Variants in GATAD2A observed in about 807,000 individuals in gnomAD.
The protein encoded by GATAD2A is GATA zinc finger domain containing 2A.
Under a neutral mutation model 68.5 loss-of-function variants are expected in GATAD2A, and 12 were observed. The observed-to-expected ratio is 0.18, with a 90% confidence interval of 0.11 to 0.28. The LOEUF (loss-of-function observed/expected upper bound fraction) is 0.28. GATAD2A is among the 10% of genes least tolerant of loss of function. GATAD2A has a pLI of 1.00. For missense variants in GATAD2A, 755 were observed against 868.5 expected (o/e 0.87, Z 1.64); for synonymous variants, 410 against 375.3 (o/e 1.09, Z -1.07).
chr19:19,433,775 C>G (rs1248184487), intron 1 of GATAD2A, among the ~76,000 whole-genome samples: 3 of 152,188 alleles, frequency 2.0e-5, no homozygotes, highest in Non-Finnish European at 4.4e-5. Context: ...AGTACCTCCC[C>G]ATACCCCCCC....
intron 1 of GATAD2A, among the ~76,000 whole-genome samples, chr19:19,452,058 GA>G (rs1321145495): frequency 2.6e-5 from 4 of 152,206 alleles, no homozygotes; most frequent in Admixed American, 2.6e-4. Context: ...AGGAGGGGAT[GA>G]AAACTGTGCA....
intron 1 of GATAD2A, among the ~76,000 whole-genome samples, chr19:19,429,990 GC>G (rs1221050858): frequency 2.0e-5 from 3 of 152,082 alleles, no homozygotes; most frequent in African/African-American, 4.8e-5. Flanking sequence ...GCAGCTTGCT[GC>G]TGTGGCTAGG....
At chr19:19,453,458 T>A (rs1387278365) in intron 1 of GATAD2A, among the ~76,000 whole-genome samples, 1 of 152,186 alleles carries the variant, frequency 6.6e-6, no homozygotes, top group African/African-American at 2.4e-5. Flanking sequence ...GAGTTAACCT[T>A]GAGTCCTTGC....
intron 2 of GATAD2A, among the ~76,000 whole-genome samples, chr19:19,476,621 C>A (rs1479731451): frequency 6.6e-6 from 1 of 152,208 alleles, no homozygotes; most frequent in African/African-American, 2.4e-5. Context: ...CTCCTTAGGC[C>A]GAGAGCCAGT....
chr19:19,476,164 C>G (rs1291146787), intron 2 of GATAD2A, among the ~76,000 whole-genome samples: 2 of 152,238 alleles, frequency 1.3e-5, no homozygotes, highest in Non-Finnish European at 2.9e-5. Context: ...GTGGCTCTGA[C>G]AGAAAACCAG....
At position 19,492,331 on chromosome 19, in the gene GATAD2A, C is replaced by G. The variant is rs754091932; in HGVS notation, c.295C>G (p.Pro99Ala). 1 of 1,607,588 alleles carries G rather than the reference C, an allele frequency of 6.2e-7. No individual in the cohort carries two copies. Among genetic ancestry groups the G allele is most frequent in the South Asian group, 1.1e-5 (1 of 89,818 alleles). ...TGACATGAAGTCCGAGAGGAGACCC[C>G]CCTCACCTGACGTGATTGTGCTCTC... ...HSDMKSERRP[P>A]SPDVIVLSDN... Residue 99 changes from proline (P) to alanine (A), a missense_variant, in exon 3 of 12, where the codon CCC becomes GCC. By Grantham distance (27) the Pro-to-Ala change is conservative (BLOSUM62 -1). Transcript: ENST00000683918.
chr19:19,474,644 G>A (rs1407447627), intron 2 of GATAD2A, among the ~76,000 whole-genome samples: 2 of 152,224 alleles, frequency 1.3e-5, no homozygotes, highest in East Asian at 3.8e-4. Context: ...ACCCGCTGCT[G>A]TGCAAGGTCC....
chr19:19,437,886 C>T (rs1020160246), intron 1 of GATAD2A, among the ~76,000 whole-genome samples: 16 of 152,154 alleles, frequency 1.1e-4, no homozygotes, highest in Admixed American at 1.0e-3. Context: ...TTTTAACATT[C>T]GTGTACAAGC....
At chr19:19,500,080 G>T (rs561663097) in intron 8 of GATAD2A, among the ~76,000 whole-genome samples, 1 of 152,212 alleles carries the variant, frequency 6.6e-6, no homozygotes. Flanking sequence ...TGTCTCTGCC[G>T]TTCCCTCATC....
At chr19:19,419,086 C>T (rs1022485883) in intron 1 of GATAD2A, among the ~76,000 whole-genome samples, 9 of 152,104 alleles carry the variant, frequency 5.9e-5, no homozygotes, top group Non-Finnish European at 1.0e-4. Context: ...CCAGGGAACC[C>T]GTCCCCTCCC....
intron 2 of GATAD2A, chr19:19,472,538 A>C (rs1026789005): frequency 6.6e-6 from 1 of 150,512 alleles, no homozygotes; most frequent in South Asian, 2.2e-4. Flanking sequence ...TTCACCATGT[A>C]GGCCAGGCTG....
intron 1 of GATAD2A, among the ~76,000 whole-genome samples, chr19:19,442,130 G>T (rs887121124): frequency 6.6e-6 from 1 of 152,158 alleles, no homozygotes; most frequent in Non-Finnish European, 1.5e-5. Context: ...AAAGTGCTGG[G>T]ATTACAGGCG....
Position 19,406,014 on chromosome 19 carries a change from G to C in GATAD2A, c.-12G>C, listed in dbSNP as rs1243072455. On this transcript the variant is annotated 5_prime_UTR_variant, in exon 1 of 12. Transcript: ENST00000683918. ...CTGCCCTAGGGCCCGGCCGACCCGCGGCCCGGTAAGTTCTGGACCAAACTT... is the reference window on the plus strand; with the variant it reads ...CTGCCCTAGGGCCCGGCCGACCCGCCGCCCGGTAAGTTCTGGACCAAACTT... The C allele has an allele frequency of 6.6e-6, 1 of 151,406 alleles. No homozygotes were observed. Among genetic ancestry groups the C allele is most frequent in the Non-Finnish European group, 1.5e-5 (1 of 67,828 alleles). The allele number at this position is 151,406 out of a possible 1,614,324, so 9.4% of individuals were successfully genotyped here. A position where few individuals can be genotyped will look rare whatever the true frequency, so the allele number is the denominator to read the frequency against.
intron 1 of GATAD2A, among the ~76,000 whole-genome samples, chr19:19,392,911 G>A (rs2048953491): frequency 6.6e-6 from 1 of 152,006 alleles, no homozygotes; most frequent in Non-Finnish European, 1.5e-5. Context: ...TGGCCAGGCT[G>A]GTCTTGAACT....
chr19:19,412,384 T>C (rs1439900303), intron 1 of GATAD2A, among the ~76,000 whole-genome samples: 1 of 151,914 alleles, frequency 6.6e-6, no homozygotes, highest in Non-Finnish European at 1.5e-5. Context: ...CTTGATTTCT[T>C]GACCTTGTGA....
chr19:19,419,626 T>C (rs2052095822), intron 1 of GATAD2A, among the ~76,000 whole-genome samples: 2 of 151,522 alleles, frequency 1.3e-5, no homozygotes, highest in Non-Finnish European at 2.9e-5. Flanking sequence ...AGGTGATTGT[T>C]GTGCCTCAGC....
upstream of GATAD2A, chr19:19,405,665 C>T (rs555056300): frequency 3.6e-4 from 54 of 152,000 alleles, no homozygotes; most frequent in African/African-American, 1.3e-3. Flanking sequence ...GGCCCCGCCC[C>T]TCGGTCGCCA....
intron 2 of GATAD2A, among the ~76,000 whole-genome samples, chr19:19,491,346 C>T (rs1414670592): frequency 6.6e-5 from 10 of 152,074 alleles, no homozygotes; most frequent in Admixed American, 5.9e-4. Context: ...TGCCGTGGGC[C>T]GACGGTGAAA....
chr19:19,465,677 G>A (rs2057810743), intron 2 of GATAD2A, 63 bp downstream of exon 2: 3 of 1,529,972 alleles, frequency 2.0e-6, no homozygotes, highest in Admixed American at 2.0e-5. Flanking sequence ...TGCCCAGGTT[G>A]GGGCTGGCCA....
Sources: allele counts gnomAD v4.1 joint callset (sites outside exome capture counted in the v4.1 genomes callset), GRCh38; gene constraint gnomAD v4.1.1; transcripts MANE v1.5; gene names NCBI Gene and HGNC (gene_info 2026-07-23, HGNC 2026-07-21).